CTNNA2: variants seen among roughly 807,000 people sequenced by gnomAD.
CTNNA2 encodes catenin alpha 2.
Under a neutral mutation model 101.0 loss-of-function variants are expected in CTNNA2, and 42 were observed. That is an observed-to-expected ratio of 0.42 (90% CI 0.32 to 0.54). The LOEUF is 0.54. Ranked by LOEUF, CTNNA2 falls within the 20% of genes least tolerant of loss-of-function variation. The probability of loss-of-function intolerance (pLI) is 0.14; values close to 1 mark genes in which losing one functional copy is unlikely to be tolerated. For synonymous variants in CTNNA2, 450 were observed against 456.4 expected, an observed-to-expected ratio of 0.99 and a Z score of 0.18; for missense variants, 871 against 1,223.1, an observed-to-expected ratio of 0.71 and a Z score of 4.29.
chr2:79,879,681 T>G (rs534195418), intron 6 of CTNNA2, among the ~76,000 whole-genome samples: 1 of 152,314 alleles, frequency 6.6e-6, no homozygotes, highest in East Asian at 1.9e-4. Flanking sequence ...ATCCTGAGAC[T>G]TTGCTGAAGT....
chr2:79,770,273 C>A (rs1458496622), intron 3 of CTNNA2, among the ~76,000 whole-genome samples: 1 of 152,160 alleles, frequency 6.6e-6, no homozygotes, highest in Non-Finnish European at 1.5e-5. Flanking sequence ...ACGAGGATTG[C>A]TTCCCTGTCT....
intron 3 of CTNNA2, among the ~76,000 whole-genome samples, chr2:79,853,897 A>T (rs1447715747): frequency 6.6e-6 from 1 of 151,746 alleles, no homozygotes; most frequent in Non-Finnish European, 1.5e-5. Context: ...TGAACTCCCG[A>T]CCTCAGGTGA....
At chr2:79,286,169 C>G (rs958389615) in intron 2 of CTNNA2, among the ~76,000 whole-genome samples, 1 of 152,074 alleles carries the variant, frequency 6.6e-6, no homozygotes, top group East Asian at 1.9e-4. Context: ...AGATGGGTTT[C>G]CTGGATACAG....
chr2:79,654,727 T>C (rs957931583), intron 2 of CTNNA2, among the ~76,000 whole-genome samples: 3 of 152,188 alleles, frequency 2.0e-5, no homozygotes, highest in Non-Finnish European at 4.4e-5. Context: ...TTGGAGAACA[T>C]TTTATGAGAT....
chr2:79,568,339 C>T (rs1048209602), intron 1 of CTNNA2, among the ~76,000 whole-genome samples: 3 of 152,148 alleles, frequency 2.0e-5, no homozygotes, highest in Non-Finnish European at 4.4e-5. Flanking sequence ...TGGTGGCTCA[C>T]ACCTGTAATC....
chr2:79,861,266 C>G (rs1212404936), intron 4 of CTNNA2, among the ~76,000 whole-genome samples: 1 of 152,128 alleles, frequency 6.6e-6, no homozygotes, highest in Non-Finnish European at 1.5e-5. Context: ...TACTTTTTAT[C>G]TTTCAGGCCA....
chr2:79,900,915 CATAA>C (rs1028713003), intron 6 of CTNNA2, among the ~76,000 whole-genome samples: 1 of 152,030 alleles, frequency 6.6e-6, no homozygotes, highest in African/African-American at 2.4e-5. Flanking sequence ...CTGTGTACCC[CATAA>C]ATAGATACAC....
At chr2:79,391,824 T>A (rs1158354598) in intron 4 of CTNNA2, among the ~76,000 whole-genome samples, 1 of 152,112 alleles carries the variant, frequency 6.6e-6, no homozygotes, top group Non-Finnish European at 1.5e-5. Context: ...AACAACAAAA[T>A]TTTATTGTTT....
chr2:79,744,621 C>T, intron 3 of CTNNA2, 39 bp downstream of exon 3: 4 of 1,533,588 alleles, frequency 2.6e-6, no homozygotes, highest in Non-Finnish European at 3.5e-6. Context: ...CGGATCTATA[C>T]TGATGTGCAA....
intron 1 of CTNNA2, among the ~76,000 whole-genome samples, chr2:79,611,576 A>G (rs10206145): frequency 2.0e-5 from 3 of 152,152 alleles, no homozygotes; most frequent in Non-Finnish European, 2.9e-5. Flanking sequence ...TGCTGCTTTT[A>G]AGTCTGAGGA....
In CTNNA2 at chr2:80,647,894, A is replaced by T; in HGVS notation, c.*22A>T. On this transcript the variant is annotated 3_prime_UTR_variant, in exon 19 of 19. Coordinates refer to ENST00000402739, the MANE Select transcript of CTNNA2 (RefSeq NM_001282597.3). ...CTAGGACGATAGGTTTTAACAAGAA[A>T]GCTTTTTCTTTCTTTTCTTTCTTTC... 6.5e-7 allele frequency: 1 copy of T among 1,539,050 alleles called. No individual in the cohort carries two copies. Among genetic ancestry groups the T allele is most frequent in the Non-Finnish European group, 8.7e-7 (1 of 1,144,928 alleles).
intron 12 of CTNNA2, among the ~76,000 whole-genome samples, chr2:80,565,342 G>T (rs775954310): frequency 3.9e-5 from 6 of 152,076 alleles, no homozygotes; most frequent in Non-Finnish European, 7.4e-5. Context: ...CCTGAGGGCA[G>T]ATTATTTCAC....
At chr2:79,304,677 G>T (rs182388993) in intron 2 of CTNNA2, among the ~76,000 whole-genome samples, 67 of 152,292 alleles carry the variant, frequency 4.4e-4, no homozygotes, top group African/African-American at 1.4e-3. Flanking sequence ...ATAAACGTCT[G>T]CTAAGAACTC....
In CTNNA2 at chr2:80,616,690, G is replaced by GCTAATCTAAT. The variant is rs71386641; in HGVS notation, c.2431-2387_2431-2386insATCTAATCTA. ...TCTGAAATATCATGGGAAGTATACAGCTAATCTACAGTTGGAGTAGAGCTT... is the reference window on the plus strand; with the variant it reads ...TCTGAAATATCATGGGAAGTATACAGCTAATCTAATCTAATCTACAGTTGGAGTAGAGCTT... On this transcript the variant is annotated intron_variant, in intron 17 of 18. Transcript: ENST00000402739. 1.5e-3 allele frequency among the ~76,000 whole-genome samples: 224 copies of GCTAATCTAAT among 150,706 alleles called. 2 individuals are homozygous for GCTAATCTAAT. The highest frequency in any genetic ancestry group is 5.2e-3 in the African/African-American group (216 of 41,166).
chr2:79,671,930 G>A (rs544288009), intron 2 of CTNNA2, among the ~76,000 whole-genome samples: 10 of 152,168 alleles, frequency 6.6e-5, no homozygotes, highest in Non-Finnish European at 7.4e-5. Flanking sequence ...CATGTATAGC[G>A]GAACATAAAT....
At chr2:79,823,918 C>T (rs79047632) in intron 3 of CTNNA2, among the ~76,000 whole-genome samples, 23 of 152,112 alleles carry the variant, frequency 1.5e-4, no homozygotes, top group East Asian at 7.7e-4. Context: ...GTGTGTTTAC[C>T]GCTGAGGACT....
intron 2 of CTNNA2, among the ~76,000 whole-genome samples, chr2:79,212,846 T>C (rs1279268033): frequency 6.6e-6 from 1 of 152,090 alleles, no homozygotes; most frequent in Non-Finnish European, 1.5e-5. Flanking sequence ...TTGAGCTTGA[T>C]GTGTGGGAAA....
intron 9 of CTNNA2, among the ~76,000 whole-genome samples, chr2:80,460,905 A>G (rs1684368966): frequency 6.6e-6 from 1 of 152,174 alleles, no homozygotes; most frequent in Non-Finnish European, 1.5e-5. Flanking sequence ...TCTGGGGTGG[A>G]GCCCAATAAT....
intron 2 of CTNNA2, among the ~76,000 whole-genome samples, chr2:79,266,834 A>G (rs1333390224): frequency 6.6e-6 from 1 of 152,108 alleles, no homozygotes; most frequent in African/African-American, 2.4e-5. Flanking sequence ...ACATAGGCTT[A>G]GGGCAGGCAA....
Sources: gnomAD v4.1 joint callset for allele counts (sites outside exome capture counted in the v4.1 genomes callset) on GRCh38, gnomAD v4.1.1 for gene constraint, MANE v1.5 for transcripts, NCBI Gene and HGNC (gene_info 2026-07-23, HGNC 2026-07-21) for gene names.